The following ARV1 variants were observed in gnomAD, a reference collection of about 807,000 sequenced individuals.
ARV1 encodes the protein ARV1 fatty acid homeostasis modulator, also known as protein ARV1.
Under a neutral mutation model 31.1 loss-of-function variants are expected in ARV1, and 26 were observed. The observed-to-expected ratio is 0.84, with a 90% CI of 0.61 to 1.16. The LOEUF is 1.16. ARV1 is among the 50% of genes most tolerant of loss of function. The pLI, the probability that ARV1 is intolerant of heterozygous loss-of-function variation, is 0.00. For synonymous variants in ARV1, 117 were observed against 123.2 expected, an observed-to-expected ratio of 0.95 and a Z score of 0.34; for missense variants, 281 against 324.9, an observed-to-expected ratio of 0.86 and a Z score of 1.04.
At chr1:230,979,908 C>T (rs12030129) in intron 1 of ARV1, among the ~76,000 whole-genome samples, 49,984 of 151,984 alleles carry the variant, frequency 0.33, 8,496 homozygotes, top group Middle Eastern at 0.57. Context: ...CTTTATTTTA[C>T]GGCAGAGAGA....
rs573014930 is a variant in ARV1, at chr1:230,997,196, ACTT to A, written c.754_756del (p.Phe252del). On this transcript the variant is annotated inframe_deletion, in exon 5 of 6. Transcript: ENST00000310256. ...TTACTGCTGGAAAGCATCATGGTCT[ACTT>A]CTTCCAGAGTATGGAATGGGATGTT... 9.0e-5 allele frequency: 145 copies of A among 1,613,746 alleles called. No homozygotes were observed. The highest frequency in any genetic ancestry group is 3.3e-4 in the Middle Eastern group (2 of 6,082).
chr1:230,979,545 A>T, intron 1 of ARV1: 2 of 439,372 alleles, frequency 4.6e-6, no homozygotes, highest in East Asian at 1.0e-4. Context: ...TTGCAGAGAA[A>T]TTTAAAGATC....
At chr1:230,986,140 T>C (rs1226112730) in intron 1 of ARV1, among the ~76,000 whole-genome samples, 1 of 151,960 alleles carries the variant, frequency 6.6e-6, no homozygotes, top group African/African-American at 2.4e-5. Context: ...GCCAGGATGG[T>C]CTCGATTTCC....
intron 1 of ARV1, 160 bp downstream of exon 1, chr1:230,979,439 C>T: frequency 1.2e-6 from 1 of 811,742 alleles, no homozygotes; most frequent in South Asian, 2.0e-5. Flanking sequence ...AACTCAGCTA[C>T]CCGACAGCGC....
chr1:230,996,998 T>A lies in ARV1; in HGVS notation c.674-123T>A, dbSNP rs575400132. 4.6e-5 allele frequency: 56 copies of A among 1,206,388 alleles called. No individual in the cohort carries two copies. In the South Asian group the frequency reaches 7.9e-4, roughly 17 times the overall value. 74.7% of individuals were successfully genotyped at this position (1,206,388 alleles called of 1,614,324 possible). Reference sequence around the variant, plus strand: ...AGTGGGAGAAGGTAACAGCATAGATTAATAAGAACAAACATTGATTTTTCC... The same window carrying A: ...AGTGGGAGAAGGTAACAGCATAGATAAATAAGAACAAACATTGATTTTTCC... On this transcript the variant is annotated intron_variant, in intron 4 of 5. Transcript: ENST00000310256.
chr1:230,986,668 A>ATTTTTTTTTTTTTTT lies in ARV1; in HGVS notation c.175-1628_175-1614dup, dbSNP rs1162209283. 3.4e-4 allele frequency among the ~76,000 whole-genome samples: 21 copies of ATTTTTTTTTTTTTTT among 62,350 alleles called. 4 individuals are homozygous for ATTTTTTTTTTTTTTT. The highest frequency in any genetic ancestry group is 5.3e-4 in the Non-Finnish European group (17 of 32,222). 40.9% of individuals were successfully genotyped at this position (62,350 alleles called of 152,430 possible). A position where few individuals can be genotyped will look rare whatever the true frequency, so the allele number is the denominator to read the frequency against. ...CACCCACAAATGTAATACTTTTCCT[A>ATTTTTTTTTTTTTTT]TTTTTTTTTTTTTTTTTTTTTTTTT... On this transcript the variant is annotated intron_variant, in intron 1 of 5. Coordinates refer to ENST00000310256, the MANE Select transcript of ARV1 (RefSeq NM_022786.3).
intron 2 of ARV1, among the ~76,000 whole-genome samples, chr1:230,989,366 A>C (rs975661929): frequency 1.3e-5 from 2 of 151,972 alleles, no homozygotes; most frequent in Admixed American, 6.6e-5. Flanking sequence ...GGAATTCCTG[A>C]CCTCAAGTGA....
At chr1:230,999,299 C>T (rs749888769) in intron 5 of ARV1, among the ~76,000 whole-genome samples, 25 of 152,156 alleles carry the variant, frequency 1.6e-4, no homozygotes, top group Admixed American at 6.5e-4. Context: ...TCTTGAAATG[C>T]TCCTCAGCTC....
chr1:230,991,025 G>A (rs1679214780), intron 3 of ARV1, among the ~76,000 whole-genome samples: 1 of 152,050 alleles, frequency 6.6e-6, no homozygotes, highest in African/African-American at 2.4e-5. Flanking sequence ...GGTATTTTTT[G>A]TTACTTGTTA....
At chr1:230,983,069 A>G (rs1050544237) in intron 1 of ARV1, among the ~76,000 whole-genome samples, 7 of 152,060 alleles carry the variant, frequency 4.6e-5, no homozygotes, top group South Asian at 2.1e-4. Context: ...CTTGCTTTTA[A>G]CCAATCCTGC....
At chr1:230,987,720 A>G (rs1436738862) in intron 1 of ARV1, among the ~76,000 whole-genome samples, 3 of 152,142 alleles carry the variant, frequency 2.0e-5, no homozygotes, top group Non-Finnish European at 4.4e-5. Context: ...GAGAAAGACC[A>G]TTTTCTTTCC....
intron 5 of ARV1, among the ~76,000 whole-genome samples, 167 bp downstream of exon 5, chr1:230,997,434 G>C (rs1012091697): frequency 3.3e-5 from 5 of 152,074 alleles, no homozygotes; most frequent in African/African-American, 1.2e-4. Context: ...GGCCCCCAGG[G>C]GTCTTCACTT....
Position 230,984,369 on chromosome 1 carries a change from T to TGCGCGCGTGC in ARV1, c.175-3950_175-3949insCGCGCGTGCG, listed in dbSNP as rs1278300143. On this transcript the variant is annotated intron_variant, in intron 1 of 5. Coordinates refer to ENST00000310256, the MANE Select transcript of ARV1 (RefSeq NM_022786.3). ...GTGTGTGTGTGTGTGTGTGCGTGTG[T>TGCGCGCGTGC]GTGTGTGTGTGTGTGTGTGTGTGTG... 2.0e-3 allele frequency among the ~76,000 whole-genome samples: 181 copies of TGCGCGCGTGC among 88,522 alleles called. 2 individuals are homozygous for TGCGCGCGTGC. The highest frequency in any genetic ancestry group is 7.2e-3 in the African/African-American group (177 of 24,564). 58.1% of individuals were successfully genotyped at this position (88,522 alleles called of 152,430 possible).
intron 1 of ARV1, 97 bp downstream of exon 1, chr1:230,979,376 G>T (rs1202674365): frequency 7.2e-6 from 10 of 1,381,158 alleles, no homozygotes; most frequent in East Asian, 2.4e-5. Context: ...TCTTTAGTTC[G>T]GTAGTTGACA....
chr1:230,987,983 A>T (rs1341507565), intron 1 of ARV1, among the ~76,000 whole-genome samples: 1 of 152,240 alleles, frequency 6.6e-6, no homozygotes, highest in Non-Finnish European at 1.5e-5. Flanking sequence ...CTACAAATTG[A>T]AAGTGGAATT....
intron 1 of ARV1, among the ~76,000 whole-genome samples, chr1:230,980,762 T>TAAA (rs752035039): frequency 8.2e-6 from 1 of 121,766 alleles, no homozygotes; most frequent in Non-Finnish European, 1.7e-5. Context: ...ACTTCTTCCA[T>TAAA]CAAAAAAAAA....
In ARV1 at chr1:230,988,421, T is replaced by C; in HGVS notation, c.276T>C (p.Leu92=). ...AAGCTCAGGCCTACAGACATATTCT[T>C]TTCAATACTCAAATAAATGTAAGTT... is the stretch of plus-strand genomic sequence containing the variant. ...LCKAQAYRHI[L]FNTQINIHGK... Residue 92 remains leucine (L), a synonymous_variant, in exon 2 of 6, where the codon CTT becomes CTC. Transcript: ENST00000310256. 6.4e-7 allele frequency: 1 copy of C among 1,564,690 alleles called. No homozygotes were observed. Among genetic ancestry groups the C allele is most frequent in the Non-Finnish European group, 8.7e-7 (1 of 1,152,432 alleles).
intron 3 of ARV1, chr1:230,990,667 GC>G (rs1311864198): frequency 8.5e-6 from 3 of 353,682 alleles, no homozygotes; most frequent in Non-Finnish European, 1.7e-5. Flanking sequence ...CAATCCTCCT[GC>G]CTCGGCCCCC....
chr1:230,998,766 C>T (rs1406253524), intron 5 of ARV1, among the ~76,000 whole-genome samples: 2 of 151,484 alleles, frequency 1.3e-5, no homozygotes, highest in African/African-American at 2.4e-5. Context: ...AAAACAATAG[C>T]TGGGCATGGT....
Sources: gnomAD v4.1 joint callset for allele counts (sites outside exome capture counted in the v4.1 genomes callset) on GRCh38, gnomAD v4.1.1 for gene constraint, MANE v1.5 for transcripts, NCBI Gene and HGNC (gene_info 2026-07-23, HGNC 2026-07-21) for gene names.